Variants in TNIK observed in about 807,000 individuals in gnomAD.
TNIK encodes TRAF2 and NCK-interacting protein kinase.
A neutral mutation model predicts 191.3 loss-of-function variants in TNIK; 49 were observed. The ratio of observed to expected loss-of-function variants is 0.26; its 90% CI spans 0.20 to 0.32. The LOEUF (loss-of-function observed/expected upper bound fraction) is 0.32, where lower values mean the gene tolerates loss of function less well. TNIK is among the 10% of genes least tolerant of loss of function. The pLI is 1.00. For missense variants in TNIK, 1,155 were observed against 1,702.3 expected (o/e 0.68, Z 5.66); for synonymous variants, 594 against 600.9 (o/e 0.99, Z 0.17).
At position 171,066,291 on chromosome 3, in the gene TNIK, C is replaced by T. The variant is rs1254695877; in HGVS notation, c.3895G>A (p.Glu1299Lys). The change falls in exon 32 of 33, where the codon GAG (glutamate) becomes AAG (lysine). Residue 1299 changes from glutamate (E) to lysine (K), a missense_variant. By Grantham distance (56) the Glu-to-Lys change is moderately conservative. Around this residue, in one of 3 missense-constraint regions of TNIK, gnomAD observed 195 missense variants for 415.4 expected, o/e 0.47. Transcript: ENST00000436636. ...ACTGACCGGATCTCAATAGCTTTCT[C>T]GCCCCAGCCCATTATCTGATTGGAA... Reference protein sequence around the residue: ...IHSNQIMGWGEKAIEIRSVET... With the variant: ...IHSNQIMGWGKKAIEIRSVET... 9.3e-6 allele frequency: 15 copies of T among 1,613,810 alleles called. No individual in the cohort carries two copies. The highest frequency in any genetic ancestry group is 1.3e-5 in the African/African-American group (1 of 74,924).
At chr3:171,138,813 A>G (rs1052335930) in intron 14 of TNIK, among the ~76,000 whole-genome samples, 4 of 152,184 alleles carry the variant, frequency 2.6e-5, no homozygotes, top group African/African-American at 9.7e-5. Context: ...TGCCTAAATC[A>G]TCTTTCATTT....
At chr3:171,443,409 A>G (rs181361746) in intron 1 of TNIK, among the ~76,000 whole-genome samples, 1 of 152,338 alleles carries the variant, frequency 6.6e-6, no homozygotes, top group East Asian at 1.9e-4. Context: ...TCAAATTTGT[A>G]GCTTTCTTAG....
intron 18 of TNIK, among the ~76,000 whole-genome samples, chr3:171,119,145 A>G (rs1054834375): frequency 5.6e-4 from 85 of 152,360 alleles, no homozygotes; most frequent in African/African-American, 2.0e-3. Context: ...ATGAACAGAC[A>G]CTTCTCAAAA....
At position 171,438,511 on chromosome 3, in the gene TNIK, A is replaced by G. The variant is rs549960421; in HGVS notation, c.57+21496T>C. 9.2e-5 allele frequency among the ~76,000 whole-genome samples: 14 copies of G among 152,334 alleles called. No homozygotes were observed. The South Asian group carries it at 1.9e-3, about 20-fold the overall frequency. Reference sequence around the variant, plus strand: ...GAATTACGTGTTAGGCACACTGCAGAATGCAAATGTAAACAAGTCACTTGA... The same window carrying G: ...GAATTACGTGTTAGGCACACTGCAGGATGCAAATGTAAACAAGTCACTTGA... On this transcript the variant is annotated intron_variant, in intron 1 of 32. Transcript: ENST00000436636.
At chr3:171,228,985 T>C (rs1743289451) in intron 2 of TNIK, among the ~76,000 whole-genome samples, 1 of 152,238 alleles carries the variant, frequency 6.6e-6, no homozygotes, top group African/African-American at 2.4e-5. Context: ...ATTTTATATA[T>C]AGCTTCCAAA....
intron 2 of TNIK, among the ~76,000 whole-genome samples, chr3:171,326,535 C>A (rs1755768271): frequency 6.6e-6 from 1 of 152,142 alleles, no homozygotes; most frequent in Admixed American, 6.5e-5. Context: ...AAAATCTATC[C>A]CAGTGATTCT....
At chr3:171,153,241 T>C (rs1732708370) in intron 12 of TNIK, among the ~76,000 whole-genome samples, 1 of 152,134 alleles carries the variant, frequency 6.6e-6, no homozygotes, top group Non-Finnish European at 1.5e-5. Flanking sequence ...TTCCTTCCAC[T>C]TCCTTATCAA....
chr3:171,298,005 A>G (rs1752496069), intron 2 of TNIK, among the ~76,000 whole-genome samples: 2 of 152,188 alleles, frequency 1.3e-5, no homozygotes, highest in African/African-American at 4.8e-5. Flanking sequence ...TACAATATAG[A>G]TCTGGGGTTG....
At chr3:171,439,079 T>C (rs1464854680) in intron 1 of TNIK, among the ~76,000 whole-genome samples, 1 of 152,230 alleles carries the variant, frequency 6.6e-6, no homozygotes, top group Non-Finnish European at 1.5e-5. Context: ...GCACAGTGGC[T>C]CACGCCTGTA....
intron 2 of TNIK, among the ~76,000 whole-genome samples, chr3:171,320,416 A>G (rs993754012): frequency 5.9e-5 from 9 of 152,334 alleles, no homozygotes; most frequent in Non-Finnish European, 8.8e-5. Flanking sequence ...ATGACCCAGG[A>G]AAAAAGCTGA....
intron 2 of TNIK, among the ~76,000 whole-genome samples, chr3:171,335,315 CTA>C (rs1291942626): frequency 2.6e-5 from 4 of 152,140 alleles, no homozygotes; most frequent in Admixed American, 2.0e-4. Context: ...GAGGTATAAT[CTA>C]TGTTAAAATT....
intron 2 of TNIK, among the ~76,000 whole-genome samples, chr3:171,345,765 C>A (rs560026398): frequency 2.6e-5 from 4 of 152,194 alleles, no homozygotes; most frequent in African/African-American, 9.6e-5. Context: ...AAATAGTAAG[C>A]TTTTCTTCAT....
At chr3:171,171,854 G>A (rs1280498988) in intron 9 of TNIK, among the ~76,000 whole-genome samples, 2 of 152,216 alleles carry the variant, frequency 1.3e-5, no homozygotes, top group Non-Finnish European at 2.9e-5. Context: ...TCACTTGCTG[G>A]TGCTGATATG....
chr3:171,179,865 G>A (rs1461421773), intron 7 of TNIK, among the ~76,000 whole-genome samples: 2 of 152,160 alleles, frequency 1.3e-5, no homozygotes, highest in Non-Finnish European at 2.9e-5. Context: ...ATAATAGTCT[G>A]GAAATGGTGG....
chr3:171,226,692 AT>A (rs1443908252), intron 3 of TNIK, among the ~76,000 whole-genome samples: 1 of 150,648 alleles, frequency 6.6e-6, no homozygotes, highest in African/African-American at 2.4e-5. Context: ...AATAAAAAGA[AT>A]TAGTACTTTA....
At chr3:171,177,939 T>C (rs1736153829) in intron 7 of TNIK, among the ~76,000 whole-genome samples, 1 of 152,248 alleles carries the variant, frequency 6.6e-6, no homozygotes, top group Non-Finnish European at 1.5e-5. Flanking sequence ...CAAAGTTTTG[T>C]ATAAGTGAAA....
In TNIK at chr3:171,060,061, A is replaced by G. The variant is rs1174205258; in HGVS notation, c.*3820T>C. Among the ~76,000 whole-genome samples the G allele has an allele frequency of 6.6e-6, 1 of 152,128 alleles. No homozygotes were observed. The highest frequency in any genetic ancestry group is 2.4e-5 in the African/African-American group (1 of 41,388). ...TAATGTAGCACATCTTACATCTTAA[A>G]GCAATCAGCACAAATGCAAGTGATG... On this transcript the variant is annotated 3_prime_UTR_variant, in exon 33 of 33. Coordinates refer to ENST00000436636, the MANE Select transcript of TNIK (RefSeq NM_015028.4).
In TNIK at chr3:171,085,212, G is replaced by A; in HGVS notation, c.2904C>T (p.Ser968=). ...CAAAGGGGGTGAAGGAGGCTTTGGT[G>A]CTGCTCCCCATGCCATACTAATCAA... ...DSGTEYGMGS[S]TKASFTPFVD... Residue 968 remains serine (S), a synonymous_variant, in exon 25 of 33, where the codon AGC becomes AGT. Transcript: ENST00000436636. 1.9e-6 allele frequency: 3 copies of A among 1,609,976 alleles called. No individual in the cohort carries two copies. The highest frequency in any genetic ancestry group is 2.5e-6 in the Non-Finnish European group (3 of 1,178,120).
At chr3:171,176,241 A>G (rs1735940000) in intron 8 of TNIK, among the ~76,000 whole-genome samples, 1 of 152,220 alleles carries the variant, frequency 6.6e-6, no homozygotes, top group Non-Finnish European at 1.5e-5. Context: ...GCCTATTAGC[A>G]TTGTGAATGA....
Sources: gnomAD v4.1 joint callset for allele counts (sites outside exome capture counted in the v4.1 genomes callset) on GRCh38, gnomAD v4.1.1 for gene constraint, gnomAD v4.1.1 regional missense constraint, MANE v1.5 for transcripts, NCBI Gene and HGNC (gene_info 2026-07-23, HGNC 2026-07-21) for gene names.